PSMD1: variants seen among roughly 807,000 people sequenced by gnomAD.
PSMD1 encodes 26S proteasome non-ATPase regulatory subunit 1.
A neutral mutation model predicts 119.0 loss-of-function variants in PSMD1; 18 were observed. The ratio of observed to expected loss-of-function variants is 0.15; its 90% CI spans 0.10 to 0.22. PSMD1 has a LOEUF of 0.22. Ranked by LOEUF, PSMD1 falls within the 10% of genes least tolerant of loss-of-function variation. The probability of loss-of-function intolerance (pLI) is 1.00; values close to 1 mark genes in which losing one functional copy is unlikely to be tolerated. For synonymous variants in PSMD1, 374 were observed against 396.6 expected, an observed-to-expected ratio of 0.94 and a Z score of 0.68; for missense variants, 702 against 1,158.5, an observed-to-expected ratio of 0.61 and a Z score of 5.72.
chr2:231,146,250 A>G lies in PSMD1; in HGVS notation c.2009A>G (p.Asn670Ser), dbSNP rs1374546698. ...CAGTGNKEAINLLEPMTNDPV... is the reference protein window; with the variant it reads ...CAGTGNKEAISLLEPMTNDPV... ...TTTAAATTCTTTCAGGAAGCCATTA[A>G]TTTGCTAGAACCAATGACAAACGAC... The change falls in exon 18 of 25, where the codon AAT (asparagine) becomes AGT (serine). Residue 670 changes from asparagine to serine, a missense_variant. Physicochemically the swap from Asn to Ser is conservative, Grantham distance 46 (BLOSUM62 1). Around this residue, in one of 9 missense-constraint regions of PSMD1, gnomAD observed 272 missense variants for 511.6 expected, o/e 0.53. Coordinates refer to ENST00000308696, the MANE Select transcript of PSMD1 (RefSeq NM_002807.4). 4 of 1,610,968 alleles carry G rather than the reference A, an allele frequency of 2.5e-6. No homozygotes were observed. Among genetic ancestry groups the G allele is most frequent in the East Asian group, 2.2e-5 (1 of 44,766 alleles).
At chr2:231,139,845 T>C (rs1003681635) in intron 17 of PSMD1, among the ~76,000 whole-genome samples, 1 of 152,176 alleles carries the variant, frequency 6.6e-6, no homozygotes, top group Admixed American at 6.5e-5. Flanking sequence ...AAGAGTTGAA[T>C]GGGGTAAGGT....
At chr2:231,104,430 A>C (rs1694934546) in intron 16 of PSMD1, among the ~76,000 whole-genome samples, 1 of 152,136 alleles carries the variant, frequency 6.6e-6, no homozygotes, top group Non-Finnish European at 1.5e-5. Context: ...TTCTCTTTTC[A>C]TAAAACGAAT....
chr2:231,113,539 A>G (rs1695228396), intron 16 of PSMD1, among the ~76,000 whole-genome samples: 1 of 152,238 alleles, frequency 6.6e-6, no homozygotes, highest in Non-Finnish European at 1.5e-5. Context: ...TACTTGTCAC[A>G]CTTTTTACCA....
At chr2:231,142,690 G>T (rs1696153549) in intron 17 of PSMD1, among the ~76,000 whole-genome samples, 1 of 151,844 alleles carries the variant, frequency 6.6e-6, no homozygotes, top group Non-Finnish European at 1.5e-5. Context: ...TACCATTGGG[G>T]TTGTATTATG....
chr2:231,077,128 A>G lies in PSMD1; in HGVS notation c.1037A>G (p.Asn346Ser). The G allele has an allele frequency of 6.3e-7, 1 of 1,583,126 alleles. No individual in the cohort carries two copies. The highest frequency in any genetic ancestry group is 8.6e-7 in the Non-Finnish European group (1 of 1,159,156). The change falls in exon 9 of 25, where the codon AAT (asparagine) becomes AGT (serine). Residue 346 changes from asparagine to serine, a missense_variant. Asn to Ser is a conservative substitution (Grantham distance 46). Transcript: ENST00000308696. ...CATCTGCAGTTCTTAATACGAAACAATAATACAGACCTCATGATTCTAAAA... is the reference window on the plus strand; with the variant it reads ...CATCTGCAGTTCTTAATACGAAACAGTAATACAGACCTCATGATTCTAAAA... ...ELHLQFLIRN[N>S]NTDLMILKNT... is the part of the protein sequence containing the mutation.
intron 16 of PSMD1, among the ~76,000 whole-genome samples, chr2:231,108,001 A>G (rs1313818770): frequency 6.6e-6 from 1 of 152,222 alleles, no homozygotes; most frequent in Non-Finnish European, 1.5e-5. Context: ...TCAGAGGAAA[A>G]TTATGACTGC....
At chr2:231,078,585 T>C (rs1047451572) in intron 9 of PSMD1, 74 bp from the exon 10 acceptor site, 2 of 1,053,614 alleles carry the variant, frequency 1.9e-6, no homozygotes, top group African/African-American at 3.3e-5. Context: ...ATAGGACCTC[T>C]GACTGTGTGT....
chr2:231,087,329 T>C, intron 16 of PSMD1, 148 bp downstream of exon 16: 1 of 629,392 alleles, frequency 1.6e-6, no homozygotes, highest in Non-Finnish European at 2.8e-6. Context: ...GACCATTTAA[T>C]AGCGAGATTA....
At chr2:231,057,166 C>A in intron 1 of PSMD1, 125 bp downstream of exon 1, 1 of 1,207,092 alleles carries the variant, frequency 8.3e-7, no homozygotes, top group Non-Finnish European at 1.1e-6. Flanking sequence ...TCTTGCTGCC[C>A]AGGGCCCACC....
intron 19 of PSMD1, among the ~76,000 whole-genome samples, chr2:231,154,561 G>C (rs532477284): frequency 6.6e-6 from 1 of 152,270 alleles, no homozygotes; most frequent in South Asian, 2.1e-4. Context: ...TTAACCTCCT[G>C]GGCTCAGGCA....
intron 4 of PSMD1, among the ~76,000 whole-genome samples, chr2:231,066,249 G>A (rs995472760): frequency 6.6e-6 from 1 of 152,168 alleles, no homozygotes; most frequent in African/African-American, 2.4e-5. Context: ...GAAATCTTTG[G>A]AACTGCCTTT....
chr2:231,123,650 T>C (rs774127044), intron 16 of PSMD1: 1 of 1,614,014 alleles, frequency 6.2e-7, no homozygotes, highest in Non-Finnish European at 8.5e-7. Flanking sequence ...TCCTCTGGTA[T>C]TGATTCTGTC....
intron 17 of PSMD1, among the ~76,000 whole-genome samples, chr2:231,142,855 A>C (rs566089518): frequency 2.6e-5 from 4 of 152,286 alleles, no homozygotes; most frequent in Admixed American, 2.0e-4. Context: ...GTAGGGAGAA[A>C]GGATACCCAT....
intron 16 of PSMD1, 107 bp from the exon 17 acceptor site, chr2:231,138,629 C>T (rs1266808865): frequency 2.8e-6 from 2 of 727,050 alleles, no homozygotes; most frequent in Non-Finnish European, 4.8e-6. Flanking sequence ...GTTTTAAATG[C>T]TCATTGTTTC....
intron 16 of PSMD1, among the ~76,000 whole-genome samples, chr2:231,123,163 CT>C (rs564940082): frequency 1.2e-4 from 18 of 152,076 alleles, no homozygotes; most frequent in Non-Finnish European, 2.5e-4. Context: ...ACTTGAATGA[CT>C]TTTTAAATGA....
At chr2:231,066,176 T>A (rs1217406271) in intron 4 of PSMD1, among the ~76,000 whole-genome samples, 1 of 152,244 alleles carries the variant, frequency 6.6e-6, no homozygotes, top group African/African-American at 2.4e-5. Context: ...AATGTATTAC[T>A]GTCATTAAGC....
chr2:231,088,385 A>G (rs1465160615), intron 16 of PSMD1, among the ~76,000 whole-genome samples: 1 of 152,210 alleles, frequency 6.6e-6, no homozygotes, highest in Admixed American at 6.5e-5. Flanking sequence ...AGCTTTGCAG[A>G]TACTGCATTT....
intron 14 of PSMD1, among the ~76,000 whole-genome samples, chr2:231,084,774 A>G (rs1447570129): frequency 4.6e-5 from 7 of 152,184 alleles, no homozygotes; most frequent in Admixed American, 1.3e-4. Flanking sequence ...TATACTTCCT[A>G]AAAAGTATGA....
chr2:231,166,101 T>A, intron 23 of PSMD1, 84 bp downstream of exon 23: 1 of 1,307,734 alleles, frequency 7.6e-7, no homozygotes, highest in Non-Finnish European at 1.0e-6. Flanking sequence ...GAATGATAAA[T>A]CTCCAAAGCA....
Sources: allele counts gnomAD v4.1 joint callset (sites outside exome capture counted in the v4.1 genomes callset), GRCh38; gene constraint gnomAD v4.1.1; regional missense constraint gnomAD v4.1.1; transcripts MANE v1.5; gene names NCBI Gene and HGNC (gene_info 2026-07-23, HGNC 2026-07-21).